Variants in DSE observed in about 807,000 individuals in gnomAD.
DSE encodes the protein dermatan sulfate epimerase, also known as dermatan-sulfate epimerase.
Under a neutral mutation model 84.4 loss-of-function variants are expected in DSE, and 36 were observed. The observed-to-expected ratio is 0.43, with a 90% confidence interval of 0.33 to 0.56. DSE has a LOEUF of 0.56. DSE is among the 20% of genes least tolerant of loss of function. The probability of loss-of-function intolerance (pLI) is 0.06; values close to 1 mark genes in which losing one functional copy is unlikely to be tolerated. For synonymous variants in DSE, 410 were observed against 430.1 expected (o/e 0.95, Z 0.58); for missense variants, 862 against 1,169.6 (o/e 0.74, Z 3.84).
chr6:116,432,229 T>C (rs945466237), intron 4 of DSE, among the ~76,000 whole-genome samples: 2 of 152,206 alleles, frequency 1.3e-5, no homozygotes, highest in African/African-American at 4.8e-5. Flanking sequence ...TAAGCTGAGA[T>C]CTAAAGGCTA....
chr6:116,409,652 G>C (rs62425200), intron 2 of DSE, among the ~76,000 whole-genome samples: 13 of 152,120 alleles, frequency 8.5e-5, no homozygotes, highest in Non-Finnish European at 1.5e-4. Context: ...ATTTCAAGAC[G>C]TGTTATGTAT....
At chr6:116,320,226 G>A (rs1161460554) in intron 2 of DSE, among the ~76,000 whole-genome samples, 3 of 152,120 alleles carry the variant, frequency 2.0e-5, no homozygotes, top group Admixed American at 2.0e-4. Flanking sequence ...AAGAGGATGC[G>A]TAGCCAGATG....
intron 2 of DSE, among the ~76,000 whole-genome samples, chr6:116,290,998 G>A (rs1296650594): frequency 6.6e-6 from 1 of 152,158 alleles, no homozygotes; most frequent in South Asian, 2.1e-4. Flanking sequence ...AAGATTGGAG[G>A]CGTAGACTTG....
At chr6:116,416,477 A>G (rs1488029546) in intron 2 of DSE, among the ~76,000 whole-genome samples, 2 of 151,478 alleles carry the variant, frequency 1.3e-5, no homozygotes, top group South Asian at 4.2e-4. Flanking sequence ...GAATCTTTAG[A>G]TTTTTATTCT....
At chr6:116,366,693 A>C (rs1398414782), upstream of DSE, 1 of 152,240 alleles carries the variant, frequency 6.6e-6, no homozygotes, top group African/African-American at 2.4e-5. Flanking sequence ...CTTTAGACAC[A>C]AAAAGTTAGT....
intron 2 of DSE, among the ~76,000 whole-genome samples, chr6:116,420,365 G>A (rs915907797): frequency 4.6e-5 from 7 of 152,166 alleles, no homozygotes; most frequent in African/African-American, 1.7e-4. Flanking sequence ...GGTCCTAAAG[G>A]TGGGGCTCTC....
At chr6:116,403,450 T>TA (rs1266801865) in intron 2 of DSE, among the ~76,000 whole-genome samples, 1 of 151,646 alleles carries the variant, frequency 6.6e-6, no homozygotes, top group African/African-American at 2.4e-5. Flanking sequence ...TTTAATTTAA[T>TA]AAAAAATATC....
At chr6:116,356,376 G>A (rs183465401) in intron 2 of DSE, among the ~76,000 whole-genome samples, 22 of 152,316 alleles carry the variant, frequency 1.4e-4, no homozygotes, top group Admixed American at 5.9e-4. Flanking sequence ...CTTGAAGTAT[G>A]CATAGCTAGT....
At chr6:116,278,825 T>A (rs1209444294) in intron 2 of DSE, 1 of 1,614,082 alleles carries the variant, frequency 6.2e-7, no homozygotes, top group African/African-American at 1.3e-5. Flanking sequence ...TCCTTGACAA[T>A]CAGCTTGTTT....
chr6:116,384,752 TAA>T (rs1780469545), intron 1 of DSE, among the ~76,000 whole-genome samples: 1 of 152,258 alleles, frequency 6.6e-6, no homozygotes, highest in South Asian at 2.1e-4. Flanking sequence ...ATATATTTTT[TAA>T]GTGTTTACTA....
At chr6:116,370,795 G>T, upstream of DSE, 1 of 979,844 alleles carries the variant, frequency 1.0e-6, no homozygotes, top group South Asian at 4.7e-5. Flanking sequence ...GGCCGGGGGA[G>T]GGGGTCCCCG....
At position 116,299,368 on chromosome 6, in the gene DSE, A is replaced by T. The variant is rs186212676; in HGVS notation, c.-54+40401A>T. ...ACTTTCTCTGTTTAATGGTTTTAAG[A>T]ATAATTTGAGCCAATTAGAAGTTAT... On this transcript the variant is annotated intron_variant, in intron 2 of 3. Transcript: ENST00000430252. Among the ~76,000 whole-genome samples the T allele has an allele frequency of 1.6e-4, 24 of 151,990 alleles. No homozygotes were observed. In the East Asian group the frequency reaches 4.6e-3, roughly 29 times the overall value.
chr6:116,383,598 G>A lies in DSE; in HGVS notation c.-54+12477G>A, dbSNP rs76544023. On this transcript the variant is annotated intron_variant, in intron 1 of 5. Transcript: ENST00000644252. ...ATATCTGGCCATATTTCAGGCCCTC[G>A]GAGTTTTTAATTTTTTTAAATAATC... Among the ~76,000 whole-genome samples, 70 of 152,236 alleles carry A rather than the reference G, an allele frequency of 4.6e-4. 2 individuals are homozygous for A. The East Asian group carries it at 0.012, about 26-fold the overall frequency.
intron 1 of DSE, among the ~76,000 whole-genome samples, chr6:116,376,191 T>A (rs764666622): frequency 1.3e-5 from 2 of 152,224 alleles, no homozygotes; most frequent in Non-Finnish European, 2.9e-5. Flanking sequence ...CCCCGTCCTC[T>A]TCCACTTCTC....
chr6:116,310,627 C>G (rs1158468061), intron 2 of DSE, among the ~76,000 whole-genome samples: 1 of 152,114 alleles, frequency 6.6e-6, no homozygotes, highest in Non-Finnish European at 1.5e-5. Flanking sequence ...AGTCTACCAA[C>G]AACTCCTTTT....
rs1413792936 is a variant in DSE, at chr6:116,444,324, G to A, written c.*6979G>A. The A allele has an allele frequency of 6.6e-6, 1 of 152,168 alleles. No homozygotes were observed. Among genetic ancestry groups the A allele is most frequent in the African/African-American group, 2.4e-5 (1 of 41,442 alleles). The allele number at this position is 152,168 out of a possible 1,614,324, so 9.4% of individuals were successfully genotyped here. ...CACTCTTAGAAGACACAAAGTCACT[G>A]GACTACAATCCTTTAGGGCAGGGAT... On this transcript the variant is annotated 3_prime_UTR_variant, in exon 6 of 6. Coordinates refer to ENST00000644252, the MANE Select transcript of DSE (RefSeq NM_013352.4).
At position 116,271,835 on chromosome 6, in the gene DSE, G is replaced by C. The variant is rs139163098; in HGVS notation, c.-54+12868G>C. 3.5e-3 allele frequency among the ~76,000 whole-genome samples: 529 copies of C among 152,008 alleles called. 2 individuals are homozygous for C. The highest frequency in any genetic ancestry group is 0.012 in the African/African-American group (501 of 41,436). On this transcript the variant is annotated intron_variant, in intron 2 of 3. Coordinates refer to the DSE transcript ENST00000430252. ...TAATATTTTAAAATCTATTTATTGA[G>C]GTATAATTTACTTACACTAAAATGC...
chr6:116,282,298 G>C (rs1773591531), intron 2 of DSE, among the ~76,000 whole-genome samples: 1 of 152,050 alleles, frequency 6.6e-6, no homozygotes, highest in East Asian at 1.9e-4. Context: ...CTTCTATTTT[G>C]AACTGGTATA....
At chr6:116,378,930 G>T (rs773187090) in intron 1 of DSE, among the ~76,000 whole-genome samples, 33 of 151,834 alleles carry the variant, frequency 2.2e-4, no homozygotes, top group Non-Finnish European at 1.5e-4. Context: ...TTAAAATATG[G>T]GTGTTGCCCA....
Sources: allele counts gnomAD v4.1 joint callset (sites outside exome capture counted in the v4.1 genomes callset), GRCh38; gene constraint gnomAD v4.1.1; transcripts MANE v1.5; gene names NCBI Gene and HGNC (gene_info 2026-07-23, HGNC 2026-07-21).